The following ELP4 variants were observed in gnomAD, a reference collection of about 807,000 sequenced individuals.
ELP4 encodes elongator complex protein 4.
ELP4 carries 51 observed loss-of-function variants against 48.9 expected under a neutral mutation model. The observed-to-expected ratio is 1.04, with a 90% CI of 0.83 to 1.32. The LOEUF is 1.32. Ranked by LOEUF, ELP4 falls within the 40% of genes most tolerant of loss-of-function variation. The probability of loss-of-function intolerance (pLI) is 0.00; values close to 1 mark genes in which losing one functional copy is unlikely to be tolerated. For missense variants in ELP4, 519 were observed against 514.6 expected, an observed-to-expected ratio of 1.01 and a Z score of -0.08; for synonymous variants, 210 against 189.2, an observed-to-expected ratio of 1.11 and a Z score of -0.90.
intron 9 of ELP4, among the ~76,000 whole-genome samples, chr11:31,695,769 A>G (rs1230619142): frequency 7.8e-6 from 1 of 128,296 alleles, no homozygotes; most frequent in Non-Finnish European, 1.7e-5. Context: ...TACCTCTGGT[A>G]GAATTCGGCT....
chr11:31,556,706 G>A (rs1293922999), intron 3 of ELP4, among the ~76,000 whole-genome samples: 1 of 151,842 alleles, frequency 6.6e-6, no homozygotes, highest in Admixed American at 6.6e-5. Context: ...AAGATCGAGA[G>A]CAAAACATAA....
rs561037527 is a variant in ELP4 at position 31,558,957 on chromosome 11, A to AT, written c.381+19176dup. On this transcript the variant is annotated intron_variant, in intron 3 of 9. Coordinates refer to ENST00000640961, the MANE Select transcript of ELP4 (RefSeq NM_019040.5). Reference sequence around the variant, plus strand: ...TACTTATTTTTTCAGAAGAAAAGATATTCAATCCTTTTGAGAGGGATAAAT... The same window carrying AT: ...TACTTATTTTTTCAGAAGAAAAGATATTTCAATCCTTTTGAGAGGGATAAAT... Among the ~76,000 whole-genome samples the AT allele has an allele frequency of 6.7e-3, 1,019 of 152,330 alleles. 12 individuals are homozygous for AT. Among genetic ancestry groups the AT allele is most frequent in the African/African-American group, 0.023 (970 of 41,584 alleles).
At chr11:31,690,855 A>G (rs1201157318) in intron 9 of ELP4, among the ~76,000 whole-genome samples, 3 of 133,884 alleles carry the variant, frequency 2.2e-5, no homozygotes, top group African/African-American at 8.4e-5. Flanking sequence ...TTTCTTATTC[A>G]AGGCCTTTTA....
intron 3 of ELP4, among the ~76,000 whole-genome samples, chr11:31,552,842 C>G (rs1956874560): frequency 1.3e-5 from 2 of 152,250 alleles, no homozygotes; most frequent in South Asian, 4.1e-4. Flanking sequence ...GTTACCTCCC[C>G]TTTACCTGTC....
chr11:31,517,555 A>G (rs488084), intron 1 of ELP4, among the ~76,000 whole-genome samples: 58,991 of 152,034 alleles, frequency 0.39, 15,012 homozygotes, highest in African/African-American at 0.72. Flanking sequence ...TGTTCTAAAT[A>G]TTTCTTTCAG....
At chr11:31,761,281 T>A (rs1403897061) in intron 9 of ELP4, among the ~76,000 whole-genome samples, 1 of 150,990 alleles carries the variant, frequency 6.6e-6, no homozygotes, top group African/African-American at 2.4e-5. Flanking sequence ...GAGGCTGCAG[T>A]GAGCCATGAT....
At chr11:31,590,902 A>G (rs887420502) in intron 3 of ELP4, among the ~76,000 whole-genome samples, 2 of 152,102 alleles carry the variant, frequency 1.3e-5, no homozygotes, top group Non-Finnish European at 2.9e-5. Context: ...ACCTCCAACA[A>G]TGGGGATTAC....
intron 9 of ELP4, among the ~76,000 whole-genome samples, chr11:31,692,749 A>G (rs897484441): frequency 2.6e-5 from 4 of 152,230 alleles, no homozygotes; most frequent in East Asian, 1.9e-4. Flanking sequence ...AACAGCCCCA[A>G]TGTAACACCC....
chr11:31,546,990 G>A (rs1337546506), intron 3 of ELP4, among the ~76,000 whole-genome samples: 7 of 151,990 alleles, frequency 4.6e-5, no homozygotes, highest in African/African-American at 1.7e-4. Context: ...AAAGCAGTGT[G>A]TAGAGGGAAA....
At chr11:31,702,910 TA>T (rs1175844978) in intron 9 of ELP4, among the ~76,000 whole-genome samples, 2 of 152,186 alleles carry the variant, frequency 1.3e-5, no homozygotes, top group African/African-American at 4.8e-5. Flanking sequence ...CTTCAAATTT[TA>T]TTGGGAAAAT....
chr11:31,630,932 A>G (rs1051652515), intron 6 of ELP4, among the ~76,000 whole-genome samples: 1 of 152,058 alleles, frequency 6.6e-6, no homozygotes, highest in African/African-American at 2.4e-5. Context: ...TAACAGAGAA[A>G]GACACTGTCT....
At chr11:31,730,451 G>A (rs1211172010) in intron 9 of ELP4, among the ~76,000 whole-genome samples, 1 of 152,016 alleles carries the variant, frequency 6.6e-6, no homozygotes, top group Non-Finnish European at 1.5e-5. Context: ...GTTGTATTGG[G>A]GATTACATTT....
At chr11:31,687,006 A>AT (rs1946175731) in intron 9 of ELP4, among the ~76,000 whole-genome samples, 1 of 152,164 alleles carries the variant, frequency 6.6e-6, no homozygotes, top group South Asian at 2.1e-4. Context: ...CACCATCACC[A>AT]TCATCATAAT....
At chr11:31,739,369 T>C (rs958283503) in intron 9 of ELP4, among the ~76,000 whole-genome samples, 1 of 152,196 alleles carries the variant, frequency 6.6e-6, no homozygotes, top group African/African-American at 2.4e-5. Context: ...TCACTGTGGA[T>C]CTATGTTGTA....
rs142352015 is a variant in ELP4, at chr11:31,738,732, C to A, written c.1144-44661C>A. Among the ~76,000 whole-genome samples, 496 of 151,578 alleles carry A rather than the reference C, an allele frequency of 3.3e-3. 2 individuals are homozygous for A. Among genetic ancestry groups the A allele is most frequent in the African/African-American group, 0.011 (444 of 41,392 alleles). On this transcript the variant is annotated intron_variant, in intron 9 of 9. Transcript: ENST00000640961. ...CTATAGCCTGGGCAACAGAGTGAGACCTTGTCTCAAAAAAAAAAAGAAATT... is the reference window on the plus strand; with the variant it reads ...CTATAGCCTGGGCAACAGAGTGAGAACTTGTCTCAAAAAAAAAAAGAAATT...
intron 9 of ELP4, among the ~76,000 whole-genome samples, chr11:31,726,637 T>A (rs966335335): frequency 4.0e-5 from 6 of 151,314 alleles, no homozygotes; most frequent in South Asian, 2.1e-4. Flanking sequence ...GAAATCCTAA[T>A]GAAGGGGCAG....
chr11:31,730,653 G>C (rs1351451523), intron 9 of ELP4, among the ~76,000 whole-genome samples: 1 of 152,132 alleles, frequency 6.6e-6, no homozygotes, highest in Non-Finnish European at 1.5e-5. Flanking sequence ...ATGCATTAGG[G>C]CACTGAGAGC....
chr11:31,563,827 C>G (rs1957060751), intron 3 of ELP4, among the ~76,000 whole-genome samples: 1 of 152,054 alleles, frequency 6.6e-6, no homozygotes, highest in Non-Finnish European at 1.5e-5. Context: ...CTGATAATCC[C>G]TCTGTTAGGA....
chr11:31,772,973 C>T (rs1205734242), intron 9 of ELP4, among the ~76,000 whole-genome samples: 1 of 152,336 alleles, frequency 6.6e-6, no homozygotes, highest in South Asian at 2.1e-4. Context: ...GTCCATCATC[C>T]TGCATATCCC....
Sources: allele counts gnomAD v4.1 joint callset (sites outside exome capture counted in the v4.1 genomes callset), GRCh38; gene constraint gnomAD v4.1.1; transcripts MANE v1.5; gene names NCBI Gene and HGNC (gene_info 2026-07-23, HGNC 2026-07-21).